The following DMD variants were observed in gnomAD, a reference collection of about 807,000 sequenced individuals.
DMD encodes dystrophin.
Under a neutral mutation model 330.1 loss-of-function variants are expected in DMD, and 63 were observed. The ratio of observed to expected loss-of-function variants is 0.19; its 90% confidence interval spans 0.16 to 0.24. The LOEUF is 0.24. DMD is among the 10% of genes least tolerant of loss of function. DMD has a pLI of 1.00. For missense variants in DMD, 3,344 were observed against 2,684.1 expected (o/e 1.25, Z -5.43); for synonymous variants, 1,223 against 959.8 (o/e 1.27, Z -5.07).
At chrX:31,539,673 G>A (rs2073671329) in intron 55 of DMD, among the ~76,000 whole-genome samples, 1 of 111,947 alleles carries the variant, frequency 8.9e-6, no homozygotes, top group Admixed American at 9.5e-5. Flanking sequence ...AATTGTCAGA[G>A]GAACAACGAA....
At chrX:32,526,273 A>G (rs761744267) in intron 17 of DMD, among the ~76,000 whole-genome samples, 1 of 112,096 alleles carries the variant, frequency 8.9e-6, no homozygotes, top group Non-Finnish European at 1.9e-5. Context: ...TCTGTCCTCT[A>G]TTCTTCAAGT....
intron 41 of DMD, among the ~76,000 whole-genome samples, chrX:32,314,766 G>A (rs757588091): frequency 2.6e-4 from 29 of 111,363 alleles, no homozygotes; most frequent in Admixed American, 2.2e-3. Context: ...ACATTTACGC[G>A]GCCAACAAAC....
chrX:33,213,792 A>G (rs2148867786), upstream of DMD, among the ~76,000 whole-genome samples: 1 of 111,689 alleles, frequency 9.0e-6, no homozygotes, highest in Admixed American at 9.5e-5. Context: ...TCAGTATCAA[A>G]ACCAGGAAAC....
chrX:33,188,707 C>T (rs1050895712), intron 1 of DMD, among the ~76,000 whole-genome samples: 2 of 112,038 alleles, frequency 1.8e-5, no homozygotes, highest in African/African-American at 6.5e-5. Context: ...TTGCCCCTTT[C>T]CCAAATTCGT....
At chrX:32,740,708 C>A (rs1441854060) in intron 7 of DMD, among the ~76,000 whole-genome samples, 10 of 111,333 alleles carry the variant, frequency 9.0e-5, no homozygotes, top group Non-Finnish European at 1.7e-4. Flanking sequence ...CTTAATTAGA[C>A]CATTTTGTGA....
Position 33,292,553 on chromosome X carries a change from T to C in DMD, c.7+46706A>G, listed in dbSNP as rs139898850. ...GTGCGGATTTCCTAGGCCAGTTTTT[T>C]ATGTACAATTGAATGTAGAAAATCT... On this transcript the variant is annotated intron_variant, in intron 1 of 17. Transcript: ENST00000288447. Among the ~76,000 whole-genome samples, 732 of 110,738 alleles carry C rather than the reference T, an allele frequency of 6.6e-3. 5 individuals carry two copies. The highest frequency in any genetic ancestry group is 0.023 in the African/African-American group (713 of 30,568).
Position 31,126,803 on chromosome X carries a change from G to GAAA in DMD, c.11015-133_11015-131dup, listed in dbSNP as rs58738809. The GAAA allele has an allele frequency of 2.2e-3, 559 of 254,035 alleles. 4 individuals carry two copies. Among genetic ancestry groups the GAAA allele is most frequent in the East Asian group, 0.012 (157 of 13,390 alleles). The allele number at this position is 254,035 out of a possible 1,213,427, so 20.9% of individuals were successfully genotyped here. On this transcript the variant is annotated intron_variant, in intron 77 of 78. Coordinates refer to ENST00000357033, the MANE Select transcript of DMD (RefSeq NM_004006.3). ...TGAGATGACCATTTATTCTCTGCTG[G>GAAA]AAAAAAAAAAAAAAAAAAAAACAGA...
At chrX:32,284,110 G>C (rs2097430675) in intron 43 of DMD, among the ~76,000 whole-genome samples, 1 of 111,435 alleles carries the variant, frequency 9.0e-6, no homozygotes, top group Non-Finnish European at 1.9e-5. Flanking sequence ...TTCCTTTATA[G>C]TTTCTGCCCA....
At chrX:31,790,811 A>G (rs2091533472) in intron 50 of DMD, among the ~76,000 whole-genome samples, 1 of 111,673 alleles carries the variant, frequency 9.0e-6, no homozygotes, top group African/African-American at 3.2e-5. Flanking sequence ...TATCATGAGC[A>G]TGCTTCTGAA....
chrX:33,241,215 C>T (rs770393004), intron 1 of DMD, among the ~76,000 whole-genome samples: 19 of 111,876 alleles, frequency 1.7e-4, no homozygotes, highest in African/African-American at 5.2e-4. Context: ...GCCTTTAATC[C>T]ATTATGAGTT....
rs760189549 is a variant in DMD at position 33,058,071 on chromosome X, G to A, written c.32-37871C>T. 2.7e-5 allele frequency among the ~76,000 whole-genome samples: 3 copies of A among 110,103 alleles called. No homozygotes were observed. The South Asian group carries it at 1.2e-3, about 44-fold the overall frequency. ...TTTTTTGTATTTTTAGTAGAGACAG[G>A]GTTTCACTATGTTGACCAGGCTGGT... On this transcript the variant is annotated intron_variant, in intron 1 of 78. Coordinates refer to ENST00000357033, the MANE Select transcript of DMD (RefSeq NM_004006.3).
intron 9 of DMD, among the ~76,000 whole-genome samples, chrX:32,658,001 T>A (rs1172377523): frequency 9.0e-6 from 1 of 111,579 alleles, no homozygotes; most frequent in Non-Finnish European, 1.9e-5. Flanking sequence ...TACACATATC[T>A]CGTGAAAACT....
intron 48 of DMD, among the ~76,000 whole-genome samples, chrX:31,852,987 G>A (rs1024599417): frequency 1.8e-5 from 2 of 112,298 alleles, no homozygotes; most frequent in Non-Finnish European, 3.8e-5. Flanking sequence ...CAGCTCAAGC[G>A]GTTCTTGTGC....
At chrX:31,228,281 A>T (rs1347784594) in intron 63 of DMD, among the ~76,000 whole-genome samples, 2 of 109,640 alleles carry the variant, frequency 1.8e-5, no homozygotes, top group Admixed American at 9.7e-5. Context: ...AAAATAAAAA[A>T]AAAAAAAAAA....
intron 2 of DMD, among the ~76,000 whole-genome samples, chrX:33,019,804 A>G (rs1278927634): frequency 9.0e-6 from 1 of 111,260 alleles, no homozygotes; most frequent in East Asian, 2.8e-4. Flanking sequence ...TCACAACAAA[A>G]TTCCCTCATA....
intron 57 of DMD, among the ~76,000 whole-genome samples, chrX:31,490,822 T>A (rs2052100606): frequency 8.9e-6 from 1 of 112,492 alleles, no homozygotes; most frequent in Admixed American, 9.4e-5. Flanking sequence ...TGAGCCTAAA[T>A]AAATGTATAA....
At chrX:31,831,853 T>A (rs74602526) in intron 49 of DMD, among the ~76,000 whole-genome samples, 2 of 112,477 alleles carry the variant, frequency 1.8e-5, no homozygotes, top group Non-Finnish European at 3.8e-5. Context: ...CCGCCCACCT[T>A]GGCCTCCCAA....
chrX:32,579,887 C>T (rs1292141079), intron 13 of DMD, among the ~76,000 whole-genome samples: 4 of 112,803 alleles, frequency 3.5e-5, no homozygotes, highest in East Asian at 2.8e-4. Flanking sequence ...TTCTTCTCTA[C>T]GCTATTTCAG....
At position 32,463,560 on chromosome X, in the gene DMD, C is replaced by G. The variant is rs1009754942; in HGVS notation, c.3311G>C (p.Ser1104Thr). ...CCCACCTTCATTGACACTGTTTAGA[C>G]TGGGCTGAATTGTCTGAATATCACT... is the stretch of plus-strand genomic sequence containing the variant. ...LVSDIQTIQPSLNSVNEGGQK... is the reference protein window; with the variant it reads ...LVSDIQTIQPTLNSVNEGGQK... Residue 1104 changes from serine (S) to threonine (T), a missense_variant, in exon 25 of 79, where the codon AGT (serine) becomes ACT (threonine). Physicochemically the swap from Ser to Thr is moderately conservative, Grantham distance 58 (BLOSUM62 1). Transcript: ENST00000357033. 6 of 1,192,929 alleles carry G rather than the reference C, an allele frequency of 5.0e-6. No homozygotes were observed. The highest frequency in any genetic ancestry group is 6.8e-6 in the Non-Finnish European group (6 of 885,929).
Sources: allele counts gnomAD v4.1 joint callset (sites outside exome capture counted in the v4.1 genomes callset), GRCh38; gene constraint gnomAD v4.1.1; transcripts MANE v1.5; gene names NCBI Gene and HGNC (gene_info 2026-07-23, HGNC 2026-07-21).